Variants in ANKMY1 observed in about 807,000 individuals in gnomAD.
The protein encoded by ANKMY1 is ankyrin repeat and MYND domain containing 1, also known as ankyrin repeat and MYND domain-containing protein 1.
A neutral mutation model predicts 102.0 loss-of-function variants in ANKMY1; 98 were observed. That is an observed-to-expected ratio of 0.96 (90% CI 0.82 to 1.14). The LOEUF is 1.14. Ranked by LOEUF, ANKMY1 falls within the 50% of genes most tolerant of loss-of-function variation. The probability of loss-of-function intolerance (pLI) is 0.00; values close to 1 mark genes in which losing one functional copy is unlikely to be tolerated. For missense variants in ANKMY1, 1,330 were observed against 1,347.6 expected, an observed-to-expected ratio of 0.99 and a Z score of 0.20; for synonymous variants, 582 against 559.9, an observed-to-expected ratio of 1.04 and a Z score of -0.56.
downstream of ANKMY1, among the ~76,000 whole-genome samples, chr2:240,478,291 A>AAT (rs1487472513): frequency 1.3e-5 from 2 of 152,196 alleles, no homozygotes; most frequent in Admixed American, 1.3e-4. Flanking sequence ...AGAATGGACT[A>AAT]ATACAGTGCG....
chr2:240,526,178 C>A (rs753003981), intron 6 of ANKMY1, 51 bp downstream of exon 6: 7 of 1,606,970 alleles, frequency 4.4e-6, no homozygotes, highest in Non-Finnish European at 4.3e-6. Context: ...ACATGTGTGA[C>A]CCTCACAGCT....
downstream of ANKMY1, among the ~76,000 whole-genome samples, chr2:240,474,906 G>A (rs1449932894): frequency 6.6e-6 from 1 of 152,154 alleles, no homozygotes; most frequent in Non-Finnish European, 1.5e-5. Context: ...TGTCTTTATG[G>A]TAGAAAAATT....
intron 13 of ANKMY1, among the ~76,000 whole-genome samples, chr2:240,505,525 C>T (rs1210073281): frequency 1.3e-5 from 2 of 151,884 alleles, no homozygotes; most frequent in Non-Finnish European, 2.9e-5. Context: ...CACTTCCAGG[C>T]AAGTTCCCAG....
chr2:240,480,245 T>C (rs538559585), intron 17 of ANKMY1, among the ~76,000 whole-genome samples: 11 of 152,166 alleles, frequency 7.2e-5, no homozygotes, highest in Non-Finnish European at 1.5e-4. Flanking sequence ...CAGCAGCCAT[T>C]CACTTCAGGG....
intron 13 of ANKMY1, 70 bp from the exon 14 acceptor site, chr2:240,500,635 T>A: frequency 7.2e-7 from 1 of 1,386,028 alleles, no homozygotes; most frequent in Non-Finnish European, 1.0e-6. Context: ...AAGCACCGCC[T>A]GAGAAGGGCC....
chr2:240,538,113 G>A (rs1559356490), intron 4 of ANKMY1, among the ~76,000 whole-genome samples: 1 of 152,214 alleles, frequency 6.6e-6, no homozygotes, highest in African/African-American at 2.4e-5. Context: ...ATGGTGAGAG[G>A]TGACAACGTG....
At chr2:240,535,615 T>C (rs1261743249) in intron 4 of ANKMY1, among the ~76,000 whole-genome samples, 1 of 152,248 alleles carries the variant, frequency 6.6e-6, no homozygotes, top group Non-Finnish European at 1.5e-5. Flanking sequence ...AATATTCTTT[T>C]CTTGTCACAT....
intron 4 of ANKMY1, among the ~76,000 whole-genome samples, chr2:240,545,386 T>C (rs1269172773): frequency 2.6e-5 from 4 of 152,222 alleles, no homozygotes; most frequent in African/African-American, 7.2e-5. Flanking sequence ...AGACCGAAAG[T>C]AGATAAAACC....
intron 1 of ANKMY1, 91 bp downstream of exon 1, chr2:240,557,790 G>T: frequency 4.8e-6 from 4 of 831,308 alleles, no homozygotes; most frequent in Non-Finnish European, 5.8e-6. Context: ...GGTGGGGACC[G>T]CGAGCCTGGC....
At chr2:240,525,392 A>G (rs960616828) in intron 7 of ANKMY1, among the ~76,000 whole-genome samples, 5 of 152,288 alleles carry the variant, frequency 3.3e-5, no homozygotes, top group African/African-American at 9.6e-5. Context: ...GGGCATTGTC[A>G]TGGATGCCCA....
intron 4 of ANKMY1, among the ~76,000 whole-genome samples, chr2:240,532,600 GATAGATAGAC>G (rs1166864842): frequency 3.3e-5 from 5 of 152,310 alleles, no homozygotes; most frequent in African/African-American, 1.2e-4. Flanking sequence ...AGAGAGACTA[GATAGATAGAC>G]ATAGATATAA....
intron 8 of ANKMY1, chr2:240,523,486 G>A (rs2082715584): frequency 7.9e-6 from 2 of 254,702 alleles, no homozygotes; most frequent in African/African-American, 4.4e-5. Context: ...GGTATAGACA[G>A]GGTGGACAGC....
At position 240,500,451 on chromosome 2, in the gene ANKMY1, C is replaced by A. The variant is rs538763464; in HGVS notation, c.2640+1G>T. 1 of 1,613,520 alleles carries A rather than the reference C, an allele frequency of 6.2e-7. No individual in the cohort carries two copies. The highest frequency in any genetic ancestry group is 1.1e-5 in the South Asian group (1 of 91,012). ...TTCCTCATGGGAGGCTCACCACCTA[C>A]CTGGAAGAATCTGAAGTAGCCATAG... On this transcript the variant is annotated splice_donor_variant, in intron 14 of 17. Coordinates refer to ENST00000401804, the MANE Select transcript of ANKMY1 (RefSeq NM_001282771.3). LOFTEE classifies it high-confidence loss of function.
downstream of ANKMY1, among the ~76,000 whole-genome samples, chr2:240,479,105 C>A (rs926711345): frequency 3.3e-5 from 5 of 152,238 alleles, no homozygotes; most frequent in African/African-American, 1.2e-4. Context: ...GCAGACACTC[C>A]GTAAGTGCAC....
chr2:240,494,844 T>G (rs903070928), intron 15 of ANKMY1, among the ~76,000 whole-genome samples: 1 of 152,028 alleles, frequency 6.6e-6, no homozygotes, highest in African/African-American at 2.4e-5. Context: ...GCCACCCAGG[T>G]GCCGAGGCAA....
chr2:240,560,384 G>A (rs547857857), upstream of ANKMY1: 119 of 275,666 alleles, frequency 4.3e-4, 1 homozygote, highest in East Asian at 7.4e-3. Flanking sequence ...GCCACAGGCC[G>A]CGGGGGCGGG....
At chr2:240,507,888 G>A (rs535096068) in intron 12 of ANKMY1, 197 bp from the exon 13 acceptor site, 5 of 551,000 alleles carry the variant, frequency 9.1e-6, no homozygotes, top group Admixed American at 4.3e-5. Context: ...GATGCTGGGC[G>A]GGGAGGGGTC....
At chr2:240,477,759 G>T (rs2074952280), downstream of ANKMY1, among the ~76,000 whole-genome samples, 2 of 152,084 alleles carry the variant, frequency 1.3e-5, no homozygotes, top group African/African-American at 4.8e-5. Flanking sequence ...AAAAAATAAA[G>T]CTATATTCAT....
chr2:240,559,225 G>T (rs1415443351), upstream of ANKMY1, among the ~76,000 whole-genome samples: 1 of 152,192 alleles, frequency 6.6e-6, no homozygotes, highest in African/African-American at 2.4e-5. Context: ...CAAGTAGCAG[G>T]CTTTGGAGCA....
Sources: gnomAD v4.1 joint callset for allele counts (sites outside exome capture counted in the v4.1 genomes callset) on GRCh38, gnomAD v4.1.1 for gene constraint, MANE v1.5 for transcripts, NCBI Gene and HGNC (gene_info 2026-07-23, HGNC 2026-07-21) for gene names.